TWSG1: variants seen among roughly 807,000 people sequenced by gnomAD.
TWSG1 encodes the protein twisted gastrulation BMP signaling modulator 1, also known as twisted gastrulation protein homolog 1.
In TWSG1, 15 loss-of-function variants were observed where a neutral mutation model predicts 23.0. The ratio of observed to expected loss-of-function variants is 0.65; its 90% confidence interval spans 0.44 to 1.00. TWSG1 has a LOEUF of 1.00. Among genes scored for constraint, TWSG1 ranks in the 50% least tolerant of loss-of-function variants. The pLI is 0.00. For missense variants in TWSG1, 242 were observed against 278.7 expected (o/e 0.87, Z 0.94); for synonymous variants, 86 against 92.8 (o/e 0.93, Z 0.42).
intron 2 of TWSG1, among the ~76,000 whole-genome samples, chr18:9,357,847 G>A (rs888281892): frequency 2.3e-4 from 35 of 151,860 alleles, no homozygotes; most frequent in Admixed American, 9.9e-4. Context: ...GGAAGGGGGG[G>A]GATGGGGATG....
At chr18:9,390,499 A>G (rs529994580) in intron 3 of TWSG1, among the ~76,000 whole-genome samples, 1 of 152,034 alleles carries the variant, frequency 6.6e-6, no homozygotes, top group East Asian at 1.9e-4. Context: ...GAGTCTCACT[A>G]TGTTGCCTAG....
intron 3 of TWSG1, among the ~76,000 whole-genome samples, chr18:9,386,315 C>G (rs1301216956): frequency 8.5e-6 from 1 of 117,876 alleles, no homozygotes; most frequent in African/African-American, 3.7e-5. Flanking sequence ...CAAAAATTAG[C>G]CGGGCGTGGT....
chr18:9,339,524 T>C (rs2040436724), intron 2 of TWSG1, among the ~76,000 whole-genome samples: 1 of 152,080 alleles, frequency 6.6e-6, no homozygotes, highest in Non-Finnish European at 1.5e-5. Flanking sequence ...GCTCAAGCGA[T>C]CTGCCAAGGC....
chr18:9,352,330 C>T (rs964698527), intron 2 of TWSG1, among the ~76,000 whole-genome samples: 9 of 152,278 alleles, frequency 5.9e-5, no homozygotes, highest in African/African-American at 1.9e-4. Context: ...TATCCATTCA[C>T]TGATTGTTGG....
intron 2 of TWSG1, among the ~76,000 whole-genome samples, chr18:9,357,105 C>A (rs976157815): frequency 2.6e-5 from 4 of 151,808 alleles, no homozygotes; most frequent in Non-Finnish European, 5.9e-5. Context: ...ACATTTCCAA[C>A]TAAGTTTGAG....
rs1413193796 is a variant in TWSG1, at chr18:9,368,089, C to T, written c.223+8018C>T. 2.0e-5 allele frequency among the ~76,000 whole-genome samples: 3 copies of T among 152,152 alleles called. No individual in the cohort carries two copies. In the East Asian group the frequency reaches 5.8e-4, roughly 29 times the overall value. ...AATTTACATTCCCACCAACAGCATG[C>T]AAGGATTCCCTTTTCTCCATGCCCT... On this transcript the variant is annotated intron_variant, in intron 3 of 4. Coordinates refer to ENST00000262120, the MANE Select transcript of TWSG1 (RefSeq NM_020648.6).
intron 2 of TWSG1, among the ~76,000 whole-genome samples, chr18:9,348,340 T>C (rs2040486731): frequency 6.6e-6 from 1 of 152,232 alleles, no homozygotes; most frequent in East Asian, 1.9e-4. Flanking sequence ...TTTATCCCTG[T>C]TCTCTTTAGT....
chr18:9,364,508 A>G (rs2040568312), intron 3 of TWSG1, among the ~76,000 whole-genome samples: 1 of 152,162 alleles, frequency 6.6e-6, no homozygotes, highest in Non-Finnish European at 1.5e-5. Context: ...GAAGCTGTAA[A>G]ACAGCCAGGT....
At chr18:9,340,382 A>AG (rs1464981621) in intron 2 of TWSG1, among the ~76,000 whole-genome samples, 3 of 151,286 alleles carry the variant, frequency 2.0e-5, no homozygotes, top group East Asian at 3.9e-4. Flanking sequence ...AAAAAAAAAA[A>AG]AAAAAAAAGA....
intron 3 of TWSG1, among the ~76,000 whole-genome samples, chr18:9,380,643 T>C (rs1598831963): frequency 6.6e-6 from 1 of 152,208 alleles, no homozygotes; most frequent in African/African-American, 2.4e-5. Flanking sequence ...GAACTTAGAT[T>C]TTCTCTTTGG....
At chr18:9,350,090 A>T (rs1290632973) in intron 2 of TWSG1, among the ~76,000 whole-genome samples, 1 of 152,116 alleles carries the variant, frequency 6.6e-6, no homozygotes, top group Non-Finnish European at 1.5e-5. Flanking sequence ...CAGTGAGCCG[A>T]GATCGTGCCA....
chr18:9,346,183 T>A (rs2040476720), intron 2 of TWSG1, among the ~76,000 whole-genome samples: 1 of 152,174 alleles, frequency 6.6e-6, no homozygotes, highest in Non-Finnish European at 1.5e-5. Flanking sequence ...CCACTGATGT[T>A]TTTTACTGTC....
At chr18:9,386,319 G>T (rs1402419175) in intron 3 of TWSG1, among the ~76,000 whole-genome samples, 3 of 151,758 alleles carry the variant, frequency 2.0e-5, no homozygotes, top group Non-Finnish European at 2.9e-5. Context: ...AATTAGCCGG[G>T]CGTGGTAGTG....
chr18:9,396,209 A>G (rs2040734792), intron 3 of TWSG1, 71 bp from the exon 4 acceptor site: 12 of 1,292,646 alleles, frequency 9.3e-6, no homozygotes, highest in Non-Finnish European at 1.3e-5. Flanking sequence ...AAGTTACATA[A>G]TTTTAATGTG....
rs1401060300 is a variant in TWSG1 at position 9,401,952 on chromosome 18, A to G, written c.*2425A>G. On this transcript the variant is annotated 3_prime_UTR_variant, in exon 5 of 5. Transcript: ENST00000262120. Reference sequence around the variant, plus strand: ...CCATATATAAAAGATCCTTTCTTATAGTAAGACTTGTGCTTGTTAGCAGGT... The same window carrying G: ...CCATATATAAAAGATCCTTTCTTATGGTAAGACTTGTGCTTGTTAGCAGGT... 1.3e-5 allele frequency: 2 copies of G among 152,174 alleles called. No homozygotes were observed. Among genetic ancestry groups the G allele is most frequent in the Admixed American group, 6.5e-5 (1 of 15,284 alleles). 9.4% of individuals were successfully genotyped at this position (152,174 alleles called of 1,614,324 possible).
chr18:9,396,050 C>A (rs993248434), intron 3 of TWSG1, among the ~76,000 whole-genome samples: 1 of 149,690 alleles, frequency 6.7e-6, no homozygotes, highest in Non-Finnish European at 1.5e-5. Context: ...CTCCAAGGAG[C>A]TCTGGTTCCT....
intron 2 of TWSG1, among the ~76,000 whole-genome samples, chr18:9,356,822 A>G (rs2040529011): frequency 6.6e-6 from 1 of 152,074 alleles, no homozygotes; most frequent in Non-Finnish European, 1.5e-5. Context: ...AAAAATCCAA[A>G]ACACTTTTGG....
At chr18:9,382,820 C>CAAAAAA (rs767034507) in intron 3 of TWSG1, among the ~76,000 whole-genome samples, 3 of 141,100 alleles carry the variant, frequency 2.1e-5, no homozygotes, top group Admixed American at 7.1e-5. Flanking sequence ...AAAAAAAAAA[C>CAAAAAA]AAAAACAAAA....
At chr18:9,345,975 A>G (rs2040475200) in intron 2 of TWSG1, among the ~76,000 whole-genome samples, 1 of 152,202 alleles carries the variant, frequency 6.6e-6, no homozygotes, top group South Asian at 2.1e-4. Flanking sequence ...ATGAACCAAT[A>G]TTGATATGCT....
Sources: allele counts gnomAD v4.1 joint callset (sites outside exome capture counted in the v4.1 genomes callset), GRCh38; gene constraint gnomAD v4.1.1; transcripts MANE v1.5; gene names NCBI Gene and HGNC (gene_info 2026-07-23, HGNC 2026-07-21).